The following KIF5A variants were observed in gnomAD, a reference collection of about 807,000 sequenced individuals.
The protein encoded by KIF5A is kinesin heavy chain isoform 5A.
Under a neutral mutation model 141.3 loss-of-function variants are expected in KIF5A, and 35 were observed. The observed-to-expected ratio is 0.25, with a 90% CI of 0.19 to 0.33. The LOEUF (loss-of-function observed/expected upper bound fraction) is 0.33, where lower values mean the gene tolerates loss of function less well. KIF5A is among the 10% of genes least tolerant of loss of function. KIF5A has a pLI of 1.00. For synonymous variants in KIF5A, 448 were observed against 500.2 expected (o/e 0.90, Z 1.39); for missense variants, 861 against 1,314.3 (o/e 0.66, Z 5.33).
intron 7 of KIF5A, 103 bp downstream of exon 7, chr12:57,567,316 C>A (rs1434002595): frequency 8.0e-5 from 101 of 1,258,938 alleles, no homozygotes; most frequent in Admixed American, 2.8e-4. Flanking sequence ...ACTGTACCCC[C>A]CAGAGGAGGA....
chr12:57,560,723 G>A (rs911808447), intron 1 of KIF5A, among the ~76,000 whole-genome samples: 9 of 151,950 alleles, frequency 5.9e-5, no homozygotes, highest in African/African-American at 1.9e-4. Context: ...TTTTTAAGGC[G>A]GGGCATGGTG....
chr12:57,563,110 G>T (rs1454281692), intron 1 of KIF5A, among the ~76,000 whole-genome samples: 2 of 151,452 alleles, frequency 1.3e-5, no homozygotes, highest in Non-Finnish European at 2.9e-5. Flanking sequence ...GGGTTCAAGC[G>T]ATTCTCCTGT....
intron 8 of KIF5A, among the ~76,000 whole-genome samples, chr12:57,568,445 G>T (rs1882137720): frequency 2.6e-5 from 4 of 152,036 alleles, no homozygotes; most frequent in Admixed American, 2.0e-4. Context: ...GAATCATATG[G>T]CTGGGCACGG....
chr12:57,555,817 G>A (rs1192703511), intron 1 of KIF5A, among the ~76,000 whole-genome samples: 3 of 147,530 alleles, frequency 2.0e-5, no homozygotes, highest in Non-Finnish European at 4.4e-5. Flanking sequence ...GCTGAGGCAG[G>A]AGAATCGCTT....
chr12:57,583,328 A>T, intron 28 of KIF5A, 113 bp downstream of exon 28: 2 of 678,220 alleles, frequency 2.9e-6, no homozygotes, highest in South Asian at 3.3e-5. Flanking sequence ...CAAAACTTTA[A>T]TTATGTAGTT....
intron 15 of KIF5A, among the ~76,000 whole-genome samples, chr12:57,573,681 T>A (rs890288414): frequency 2.6e-5 from 4 of 151,550 alleles, no homozygotes; most frequent in African/African-American, 7.3e-5. Flanking sequence ...AATATAAAAT[T>A]AGCCGGGTGT....
chr12:57,551,369 A>C (rs1314486755), intron 1 of KIF5A, among the ~76,000 whole-genome samples: 2 of 152,224 alleles, frequency 1.3e-5, no homozygotes, highest in Non-Finnish European at 2.9e-5. Flanking sequence ...CATGCTATTC[A>C]TCCATGGATC....
rs1882003053 is a variant in KIF5A at position 57,564,459 on chromosome 12, G to A, written c.397-1G>A. The A allele has an allele frequency of 6.2e-7, 1 of 1,609,976 alleles. No homozygotes were observed. The highest frequency in any genetic ancestry group is 1.7e-5 in the Admixed American group (1 of 60,002). ...CACACTCCTTCTTTCTTCTTAACCAGGTTTCTTACTTTGAAATTTACCTGG... is the reference window on the plus strand; with the variant it reads ...CACACTCCTTCTTTCTTCTTAACCAAGTTTCTTACTTTGAAATTTACCTGG... On this transcript the variant is annotated splice_acceptor_variant, in intron 4 of 28. Coordinates refer to ENST00000455537, the MANE Select transcript of KIF5A (RefSeq NM_004984.4). LOFTEE classifies it high-confidence loss of function.
Position 57,585,117 on chromosome 12 carries a change from T to A in KIF5A, c.*936T>A, listed in dbSNP as rs1368732986. ...AGGCTGGGAAATTTCTGAGCCTTTT[T>A]TTTTTGTCACAGTGCCCTCAAGTTG... On this transcript the variant is annotated 3_prime_UTR_variant, in exon 29 of 29. Transcript: ENST00000455537. The A allele has an allele frequency of 6.6e-6, 1 of 152,402 alleles. No homozygotes were observed. Among genetic ancestry groups the A allele is most frequent in the East Asian group, 1.9e-4 (1 of 5,186 alleles). 9.4% of individuals were successfully genotyped at this position (152,402 alleles called of 1,614,324 possible).
intron 17 of KIF5A, 119 bp downstream of exon 17, chr12:57,575,876 CAT>C: frequency 1.1e-6 from 1 of 917,874 alleles, no homozygotes; most frequent in Non-Finnish European, 1.8e-6. Flanking sequence ...GATGCCAACT[CAT>C]ATGTTAGCCA....
chr12:57,558,530 C>T (rs1412193816), intron 1 of KIF5A, among the ~76,000 whole-genome samples: 3 of 152,030 alleles, frequency 2.0e-5, no homozygotes, highest in East Asian at 1.9e-4. Flanking sequence ...AGAAATTAGC[C>T]GGGTGTGGTG....
intron 1 of KIF5A, among the ~76,000 whole-genome samples, chr12:57,560,085 T>C (rs1881865588): frequency 6.6e-6 from 1 of 152,190 alleles, no homozygotes; most frequent in Non-Finnish European, 1.5e-5. Flanking sequence ...AGAGACATGG[T>C]TTCACCATGT....
chr12:57,564,854 T>G, intron 5 of KIF5A, 64 bp from the exon 6 acceptor site: 1 of 1,468,920 alleles, frequency 6.8e-7, no homozygotes, highest in Non-Finnish European at 9.5e-7. Context: ...CTGAGCTGAC[T>G]GCAAGGTGCA....
chr12:57,564,868 G>T, intron 5 of KIF5A, 50 bp from the exon 6 acceptor site: 1 of 1,554,072 alleles, frequency 6.4e-7, no homozygotes, highest in Non-Finnish European at 8.9e-7. Context: ...AGGTGCAGAT[G>T]GGGGCGGTGG....
At chr12:57,558,357 T>C (rs1432180947) in intron 1 of KIF5A, among the ~76,000 whole-genome samples, 3 of 151,816 alleles carry the variant, frequency 2.0e-5, no homozygotes, top group Non-Finnish European at 4.4e-5. Context: ...CTGGCCAACA[T>C]GGTGAAACCT....
In KIF5A at chr12:57,581,946, G is replaced by C; in HGVS notation, c.2986G>C (p.Asp996His). 1 of 1,613,798 alleles carries C rather than the reference G, an allele frequency of 6.2e-7. No homozygotes were observed. Among genetic ancestry groups the C allele is most frequent in the Non-Finnish European group, 8.5e-7 (1 of 1,179,716 alleles). The change falls in exon 26 of 29, where the codon GAC becomes CAC. Residue 996 changes from aspartate (D) to histidine (H), a missense_variant. Coordinates refer to ENST00000455537, the MANE Select transcript of KIF5A (RefSeq NM_004984.4). The part of the protein sequence containing the change: ...PLASYQKANM[D>H]NGNATDINDN... ...GGCTTCCTACCAGAAGGCCAACATG[G>C]ACAATGGTGAGTGAAAAAGATGGGT...
intron 1 of KIF5A, among the ~76,000 whole-genome samples, chr12:57,552,420 G>C (rs960794425): frequency 3.3e-5 from 5 of 152,264 alleles, no homozygotes; most frequent in African/African-American, 1.2e-4. Context: ...TCCACAGCTG[G>C]ATCTTCCTTG....
chr12:57,582,035 A>C, intron 26 of KIF5A, 83 bp downstream of exon 26: 2 of 1,120,776 alleles, frequency 1.8e-6, no homozygotes, highest in Non-Finnish European at 2.7e-6. Flanking sequence ...CTTAGTGTAC[A>C]AAAAACACTG....
chr12:57,582,896 G>A, intron 27 of KIF5A: 1 of 645,998 alleles, frequency 1.5e-6, no homozygotes, highest in Non-Finnish European at 2.8e-6. Context: ...TCTGACGACT[G>A]GGTTTCTCTC....
Sources: gnomAD v4.1 joint callset for allele counts (sites outside exome capture counted in the v4.1 genomes callset) on GRCh38, gnomAD v4.1.1 for gene constraint, MANE v1.5 for transcripts, NCBI Gene and HGNC (gene_info 2026-07-23, HGNC 2026-07-21) for gene names.